The following SLCO4C1 variants were observed in gnomAD, a reference collection of about 807,000 sequenced individuals.
SLCO4C1 encodes organic anion transporter M1.
Under a neutral mutation model 72.1 loss-of-function variants are expected in SLCO4C1, and 58 were observed. The ratio of observed to expected loss-of-function variants is 0.80; its 90% confidence interval spans 0.65 to 1.00. The LOEUF (loss-of-function observed/expected upper bound fraction) is 1.00, where lower values mean the gene tolerates loss of function less well. Ranked by LOEUF, SLCO4C1 falls within the 50% of genes least tolerant of loss-of-function variation. The pLI is 0.00. For missense variants in SLCO4C1, 898 were observed against 857.9 expected (o/e 1.05, Z -0.58); for synonymous variants, 297 against 312.5 (o/e 0.95, Z 0.52).
intron 2 of SLCO4C1, among the ~76,000 whole-genome samples, chr5:102,290,951 CTT>C (rs1749538117): frequency 6.6e-6 from 1 of 152,110 alleles, no homozygotes; most frequent in Non-Finnish European, 1.5e-5. Context: ...TGTCACCTCT[CTT>C]TGTCTCAAAT....
At chr5:102,262,996 A>G (rs940246874) in intron 4 of SLCO4C1, among the ~76,000 whole-genome samples, 1 of 152,150 alleles carries the variant, frequency 6.6e-6, no homozygotes, top group African/African-American at 2.4e-5. Flanking sequence ...ACCTCAGTAA[A>G]GGCACAAATT....
At chr5:102,293,728 C>T (rs1169820144) in intron 1 of SLCO4C1, among the ~76,000 whole-genome samples, 1 of 149,096 alleles carries the variant, frequency 6.7e-6, no homozygotes, top group Non-Finnish European at 1.5e-5. Context: ...TATTGGGTCA[C>T]ACTTTTTATT....
chr5:102,255,261 C>T (rs140969945), intron 8 of SLCO4C1, among the ~76,000 whole-genome samples: 91 of 152,274 alleles, frequency 6.0e-4, no homozygotes, highest in Non-Finnish European at 1.2e-3. Context: ...AGAATTACCC[C>T]ATCACACATG....
chr5:102,263,734 T>C lies in SLCO4C1; in HGVS notation c.849A>G (p.Val283=). ...MSILGPAIGY[V]LGGQLLTIYI... Reference sequence around the variant, plus strand: ...ATATGGTTAGCAGTTGTCCTCCCAATACATAGCCAATAGCAGGGCCTAAGA... The same window carrying C: ...ATATGGTTAGCAGTTGTCCTCCCAACACATAGCCAATAGCAGGGCCTAAGA... Residue 283 remains valine (V), a synonymous_variant, in exon 4 of 13, where the codon GTA becomes GTG. Transcript: ENST00000310954. The C allele has an allele frequency of 1.2e-6, 2 of 1,612,874 alleles. No individual in the cohort carries two copies. Among genetic ancestry groups the C allele is most frequent in the African/African-American group, 1.3e-5 (1 of 74,948 alleles).
intron 10 of SLCO4C1, among the ~76,000 whole-genome samples, chr5:102,246,832 A>G (rs1246580066): frequency 6.6e-6 from 1 of 152,178 alleles, no homozygotes; most frequent in Non-Finnish European, 1.5e-5. Context: ...CAACACAGGT[A>G]ATAGCCAGTT....
At chr5:102,249,560 G>A in intron 9 of SLCO4C1, 78 bp downstream of exon 9, 1 of 1,491,720 alleles carries the variant, frequency 6.7e-7, no homozygotes. Flanking sequence ...AATAGGCATT[G>A]CATAACCCCA....
chr5:102,271,265 G>C (rs1749148076), intron 2 of SLCO4C1, among the ~76,000 whole-genome samples: 1 of 151,620 alleles, frequency 6.6e-6, no homozygotes, highest in South Asian at 2.1e-4. Flanking sequence ...ATATTCTATA[G>C]CATAAATGTC....
intron 3 of SLCO4C1, among the ~76,000 whole-genome samples, chr5:102,264,847 T>G (rs535058373): frequency 1.3e-5 from 2 of 152,162 alleles, no homozygotes; most frequent in African/African-American, 4.8e-5. Context: ...TATTTTTTCT[T>G]TTTAGCTCCC....
chr5:102,258,187 C>T, intron 6 of SLCO4C1, 100 bp from the exon 7 acceptor site: 2 of 969,424 alleles, frequency 2.1e-6, no homozygotes, highest in South Asian at 2.6e-5. Context: ...ATTTTACAAT[C>T]ATCTGTAAAA....
At chr5:102,237,505 G>T in intron 12 of SLCO4C1, among the ~76,000 whole-genome samples, 1 of 152,034 alleles carries the variant, frequency 6.6e-6, no homozygotes, top group Non-Finnish European at 1.5e-5. Flanking sequence ...CCAGCTACTT[G>T]GGATGCTGAC....
rs1412775140 is a variant in SLCO4C1, at chr5:102,260,338, T to TATTATACATATAATATATTATATGTATA, written c.1022-20_1022-19insTATACATATAATATATTATATGTATAAT. ...GCTGTACCTAAAAAAAAAATATATA[T>TATTATACATATAATATATTATATGTATA]ATATATATAATATATATATTATACA... On this transcript the variant is annotated intron_variant, in intron 5 of 12. Transcript: ENST00000310954. 4 of 363,842 alleles carry TATTATACATATAATATATTATATGTATA rather than the reference T, an allele frequency of 1.1e-5. No individual in the cohort carries two copies. The highest frequency in any genetic ancestry group is 7.5e-5 in the African/African-American group (3 of 39,838). 22.5% of individuals were successfully genotyped at this position (363,842 alleles called of 1,614,324 possible). A position where few individuals can be genotyped will look rare whatever the true frequency, so the allele number is the denominator to read the frequency against.
chr5:102,247,852 C>T (rs977069585), intron 9 of SLCO4C1, among the ~76,000 whole-genome samples: 3 of 150,976 alleles, frequency 2.0e-5, no homozygotes, highest in South Asian at 2.1e-4. Flanking sequence ...AAGGCCTCAA[C>T]GAATCAGAGC....
intron 10 of SLCO4C1, among the ~76,000 whole-genome samples, chr5:102,244,519 T>C (rs1165471290): frequency 6.6e-6 from 1 of 151,952 alleles, no homozygotes; most frequent in African/African-American, 2.4e-5. Flanking sequence ...GAGAAAGATA[T>C]CAATATCCAA....
intron 10 of SLCO4C1, among the ~76,000 whole-genome samples, chr5:102,242,528 C>T (rs1748565027): frequency 6.6e-6 from 1 of 152,096 alleles, no homozygotes; most frequent in Non-Finnish European, 1.5e-5. Context: ...GACAGAGCAC[C>T]AGTCAGAGTT....
At chr5:102,286,735 TC>T (rs1749459097) in intron 2 of SLCO4C1, among the ~76,000 whole-genome samples, 3 of 152,122 alleles carry the variant, frequency 2.0e-5, no homozygotes, top group Admixed American at 2.0e-4. Flanking sequence ...CTTATGTCTT[TC>T]TAAAAGCTTC....
At chr5:102,285,367 C>A (rs1168125850) in intron 2 of SLCO4C1, among the ~76,000 whole-genome samples, 1 of 152,158 alleles carries the variant, frequency 6.6e-6, no homozygotes, top group Non-Finnish European at 1.5e-5. Flanking sequence ...TCCCTGCAAC[C>A]TCCGCCTCCT....
chr5:102,247,172 C>T (rs1163135788), intron 10 of SLCO4C1, 80 bp downstream of exon 10: 1 of 1,118,518 alleles, frequency 8.9e-7, no homozygotes, highest in African/African-American at 1.6e-5. Context: ...TCAATATGAA[C>T]CCCAAATGAA....
At chr5:102,291,738 G>T (rs1490573344) in intron 1 of SLCO4C1, 132 bp from the exon 2 acceptor site, 21 of 671,118 alleles carry the variant, frequency 3.1e-5, no homozygotes, top group Non-Finnish European at 4.6e-5. Flanking sequence ...AAGCCTCAAA[G>T]TTTCAAAGTT....
chr5:102,238,821 A>C (rs988580013), intron 12 of SLCO4C1, among the ~76,000 whole-genome samples: 5 of 152,154 alleles, frequency 3.3e-5, no homozygotes, highest in Non-Finnish European at 5.9e-5. Flanking sequence ...CTAAACTATA[A>C]AAATGTTCCT....
Sources: gnomAD v4.1 joint callset for allele counts (sites outside exome capture counted in the v4.1 genomes callset) on GRCh38, gnomAD v4.1.1 for gene constraint, MANE v1.5 for transcripts, NCBI Gene and HGNC (gene_info 2026-07-23, HGNC 2026-07-21) for gene names.